The following CD109 variants were observed in gnomAD, a reference collection of about 807,000 sequenced individuals.
CD109 encodes CD109 antigen.
In CD109, 149 loss-of-function variants were observed where a neutral mutation model predicts 165.8. The observed-to-expected ratio is 0.90, with a 90% CI of 0.79 to 1.03. The LOEUF is 1.03. Among genes scored for constraint, CD109 ranks in the 50% least tolerant of loss-of-function variants. The pLI is 0.00. For synonymous variants in CD109, 585 were observed against 592.1 expected, an observed-to-expected ratio of 0.99 and a Z score of 0.18; for missense variants, 1,712 against 1,677.8, an observed-to-expected ratio of 1.02 and a Z score of -0.36.
rs199617851 is a variant in CD109, at chr6:73,783,771, G to T, written c.2170G>T (p.Gly724Cys). Residue 724 changes from glycine to cysteine, a missense_variant, in exon 19 of 33, where the codon GGT becomes TGT. By Grantham distance (159) the Gly-to-Cys change is radical (BLOSUM62 -3). Transcript: ENST00000287097. ...TTCTATCACTTCTTGGGTGGCTACT[G>T]GTTTTGTGATCTCTGAGGACCTGGG... ...PDSITSWVATGFVISEDLGLG... is the reference protein window; with the variant it reads ...PDSITSWVATCFVISEDLGLG... The T allele has an allele frequency of 3.5e-5, 56 of 1,613,356 alleles. 1 individual carries two copies. The highest frequency in any genetic ancestry group is 3.1e-4 in the East Asian group (14 of 44,816).
Position 73,782,995 on chromosome 6 carries a change from A to G in CD109, c.2105+240A>G, listed in dbSNP as rs539049875. The stretch of plus-strand genomic sequence containing the variant: ...AGATAGGCCTTTTTTTTTTTTTTTA[A>G]CTGAAGGGTGATTTTGACTTCCTTG... On this transcript the variant is annotated intron_variant, in intron 18 of 32. Transcript: ENST00000287097. 1.5e-3 allele frequency among the ~76,000 whole-genome samples: 227 copies of G among 150,104 alleles called. 4 individuals are homozygous for G. Among genetic ancestry groups the G allele is most frequent in the East Asian group, 4.9e-3 (25 of 5,152 alleles).
Position 73,788,478 on chromosome 6 carries a change from T to A in CD109, c.2567T>A (p.Ile856Lys), listed in dbSNP as rs757345165. Residue 856 changes from isoleucine (I) to lysine (K), a missense_variant, in exon 22 of 33, where the codon ATA becomes AAA. Transcript: ENST00000287097. ...TQMILVKAEGIEKSYSQSILL... is the reference protein window; with the variant it reads ...TQMILVKAEGKEKSYSQSILL... The stretch of plus-strand genomic sequence containing the variant: ...CATTTTTTTCAACAGGCTGAAGGAA[T>A]AGAAAAATCATATTCACAATCCATC... The A allele has an allele frequency of 6.2e-7, 1 of 1,610,146 alleles. No homozygotes were observed. Among genetic ancestry groups the A allele is most frequent in the Non-Finnish European group, 8.5e-7 (1 of 1,179,126 alleles).
At chr6:73,705,215 T>C (rs1019670980) in intron 2 of CD109, among the ~76,000 whole-genome samples, 9 of 151,976 alleles carry the variant, frequency 5.9e-5, no homozygotes, top group Admixed American at 3.9e-4. Flanking sequence ...GGGAGAGAGA[T>C]TTAGGCATTA....
intron 10 of CD109, among the ~76,000 whole-genome samples, chr6:73,764,070 A>G (rs1014084932): frequency 3.3e-5 from 5 of 152,228 alleles, no homozygotes; most frequent in African/African-American, 1.2e-4. Flanking sequence ...AAAATTATCA[A>G]CAAATCTCAT....
intron 23 of CD109, among the ~76,000 whole-genome samples, chr6:73,799,499 G>A (rs890013349): frequency 2.6e-5 from 4 of 152,282 alleles, no homozygotes; most frequent in South Asian, 4.2e-4. Context: ...GAAGCATAGC[G>A]CCGGCATTTC....
rs1384167239 is a variant in CD109, at chr6:73,768,112, T to G, written c.1555T>G (p.Leu519Val). 1 of 1,613,360 alleles carries G rather than the reference T, an allele frequency of 6.2e-7. No individual in the cohort carries two copies. Among genetic ancestry groups the G allele is most frequent in the South Asian group, 1.1e-5 (1 of 91,038 alleles). ...VGKQNSTMFS[L>V]TPENSWTPKA... ...AAAACAAAATTCAACAATGTTCTCT[T>G]TAACACCAGAAAATTCTTGGACTCC... The change falls in exon 14 of 33, where the codon TTA becomes GTA. Residue 519 changes from leucine to valine, a missense_variant. Coordinates refer to ENST00000287097, the MANE Select transcript of CD109 (RefSeq NM_133493.5).
At chr6:73,799,667 A>G (rs535527537) in intron 23 of CD109, among the ~76,000 whole-genome samples, 65 of 151,826 alleles carry the variant, frequency 4.3e-4, no homozygotes, top group Non-Finnish European at 8.5e-4. Flanking sequence ...TCACTATCTC[A>G]AGGACAGCAC....
chr6:73,690,544 G>A, the CD109 span, among the ~76,000 whole-genome samples: 1 of 152,254 alleles, frequency 6.6e-6, no homozygotes, highest in South Asian at 2.1e-4. Context: ...TGGGATTACA[G>A]GCATGTGCCA....
At chr6:73,691,162 C>T (rs1770684712), upstream of CD109, among the ~76,000 whole-genome samples, 1 of 152,186 alleles carries the variant, frequency 6.6e-6, no homozygotes, top group African/African-American at 2.4e-5. Context: ...AGGTTTTCCC[C>T]ATCATTTTTC....
chr6:73,821,257 T>C (rs941728213), intron 32 of CD109, among the ~76,000 whole-genome samples: 1 of 152,088 alleles, frequency 6.6e-6, no homozygotes, highest in African/African-American at 2.4e-5. Flanking sequence ...TGTATACATA[T>C]GTAACAAACC....
intron 5 of CD109, among the ~76,000 whole-genome samples, chr6:73,751,372 T>C (rs1412166557): frequency 6.6e-6 from 1 of 152,168 alleles, no homozygotes; most frequent in Non-Finnish European, 1.5e-5. Context: ...CTCCTCCAAA[T>C]GGCAGCTCAT....
At chr6:73,813,284 A>G (rs1295506864) in intron 29 of CD109, among the ~76,000 whole-genome samples, 1 of 152,194 alleles carries the variant, frequency 6.6e-6, no homozygotes, top group African/African-American at 2.4e-5. Flanking sequence ...CTTGCAATCC[A>G]AGAGTAAATC....
At chr6:73,706,937 A>C (rs1771291894) in intron 2 of CD109, among the ~76,000 whole-genome samples, 1 of 152,260 alleles carries the variant, frequency 6.6e-6, no homozygotes, top group South Asian at 2.1e-4. Flanking sequence ...AGGAATATAG[A>C]TAAGACAGGG....
chr6:73,765,017 G>T (rs1366476859), intron 10 of CD109, among the ~76,000 whole-genome samples: 2 of 152,122 alleles, frequency 1.3e-5, no homozygotes, highest in East Asian at 1.9e-4. Flanking sequence ...CAGAGGGGGA[G>T]AGTTGGCTGT....
intron 20 of CD109, among the ~76,000 whole-genome samples, chr6:73,785,818 A>T (rs1488909885): frequency 2.0e-5 from 3 of 147,084 alleles, no homozygotes; most frequent in Non-Finnish European, 4.5e-5. Context: ...GCCACTTCTC[A>T]CTGCCACTCT....
chr6:73,773,905 C>T (rs1297359432), intron 15 of CD109, among the ~76,000 whole-genome samples: 1 of 152,030 alleles, frequency 6.6e-6, no homozygotes, highest in African/African-American at 2.4e-5. Context: ...CTTCACATCT[C>T]TTAGTTTTTT....
intron 2 of CD109, among the ~76,000 whole-genome samples, chr6:73,703,576 C>T (rs762717162): frequency 5.9e-5 from 9 of 152,164 alleles, no homozygotes; most frequent in Non-Finnish European, 8.8e-5. Flanking sequence ...GTATACTCTA[C>T]GAAAGTTTCC....
intron 23 of CD109, among the ~76,000 whole-genome samples, chr6:73,793,724 C>T (rs1285001099): frequency 1.3e-5 from 2 of 152,182 alleles, no homozygotes; most frequent in Non-Finnish European, 2.9e-5. Flanking sequence ...ACCAAAGTTA[C>T]AGTCTCAGTT....
Position 73,766,795 on chromosome 6 carries a change from CAT to C in CD109, c.1371_1372del (p.His457GlnfsTer4). 6.2e-7 allele frequency: 1 copy of C among 1,612,886 alleles called. No individual in the cohort carries two copies. The highest frequency in any genetic ancestry group is 2.2e-5 in the East Asian group (1 of 44,768). Reference protein sequence around the residue: ...FLGSKSSMAVHSLFKSPSKTY... With the variant: ...FLGSKSSMAVXSLFKSPSKTY... ...TGGTAGTAAAAGTAGCATGGCAGTT[CAT>C]AGTCTGTTTAAGTCTCCTAGTAAGA... On this transcript the variant is annotated frameshift_variant, in exon 12 of 33. Coordinates refer to ENST00000287097, the MANE Select transcript of CD109 (RefSeq NM_133493.5). LOFTEE classifies it high-confidence loss of function.
Sources: gnomAD v4.1 joint callset for allele counts (sites outside exome capture counted in the v4.1 genomes callset) on GRCh38, gnomAD v4.1.1 for gene constraint, MANE v1.5 for transcripts, NCBI Gene and HGNC (gene_info 2026-07-23, HGNC 2026-07-21) for gene names.